CCDC171: variants seen among roughly 807,000 people sequenced by gnomAD.
CCDC171 encodes the protein coiled-coil domain containing 171, also known as coiled-coil domain-containing protein 171.
Under a neutral mutation model 168.2 loss-of-function variants are expected in CCDC171, and 177 were observed. The ratio of observed to expected loss-of-function variants is 1.05; its 90% confidence interval spans 0.93 to 1.19. The LOEUF (loss-of-function observed/expected upper bound fraction) is 1.19. CCDC171 is among the 50% of genes most tolerant of loss of function. The pLI is 0.00. For synonymous variants in CCDC171, 687 were observed against 540.8 expected, an observed-to-expected ratio of 1.27 and a Z score of -3.75; for missense variants, 1,991 against 1,539.0, an observed-to-expected ratio of 1.29 and a Z score of -4.91.
intron 6 of CCDC171, among the ~76,000 whole-genome samples, chr9:15,597,489 TG>T (rs2042463147): frequency 6.6e-6 from 1 of 152,204 alleles, no homozygotes; most frequent in Non-Finnish European, 1.5e-5. Context: ...ATTCCGGGGA[TG>T]AAGCCTACTT....
chr9:15,914,927 G>A (rs1460747254), intron 24 of CCDC171, among the ~76,000 whole-genome samples: 1 of 152,060 alleles, frequency 6.6e-6, no homozygotes, highest in Admixed American at 6.6e-5. Context: ...GTGCTTCCCG[G>A]GTGAGGTGAT....
downstream of CCDC171, among the ~76,000 whole-genome samples, chr9:15,974,273 G>A (rs1232883060): frequency 6.6e-6 from 1 of 152,074 alleles, no homozygotes; most frequent in East Asian, 1.9e-4. Flanking sequence ...CCAGCAGGAG[G>A]AGAAGATTTA....
intron 25 of CCDC171, among the ~76,000 whole-genome samples, chr9:15,958,439 G>A (rs907259673): frequency 1.3e-4 from 20 of 151,284 alleles, no homozygotes; most frequent in Non-Finnish European, 2.8e-4. Context: ...AATAGTGCAG[G>A]TCTAAGCAAA....
At chr9:15,640,368 A>G (rs2046509446) in intron 7 of CCDC171, among the ~76,000 whole-genome samples, 1 of 152,146 alleles carries the variant, frequency 6.6e-6, no homozygotes, top group Admixed American at 6.6e-5. Context: ...TGTGCTGGCC[A>G]CATGGAAAGT....
the CCDC171 span, among the ~76,000 whole-genome samples, chr9:16,100,780 C>T: frequency 6.6e-6 from 1 of 152,136 alleles, no homozygotes; most frequent in Admixed American, 6.5e-5. Flanking sequence ...TTTCTGTAGC[C>T]CAGAGAGCCT....
At chr9:16,030,733 C>G (rs139476117) in intron 6 of CCDC171, among the ~76,000 whole-genome samples, 1 of 152,148 alleles carries the variant, frequency 6.6e-6, no homozygotes, top group East Asian at 1.9e-4. Flanking sequence ...TCCCTTCCCG[C>G]GCTGTAGGGC....
intron 10 of CCDC171, among the ~76,000 whole-genome samples, chr9:15,692,820 C>T (rs2050913270): frequency 6.6e-6 from 1 of 150,956 alleles, no homozygotes; most frequent in Non-Finnish European, 1.5e-5. Flanking sequence ...AGCCACAGCT[C>T]CCGGCCATAG....
At chr9:15,735,575 G>T (rs1471234541) in intron 16 of CCDC171, among the ~76,000 whole-genome samples, 1 of 152,120 alleles carries the variant, frequency 6.6e-6, no homozygotes, top group Admixed American at 6.6e-5. Context: ...GGTTCATCAT[G>T]CTATATTGCA....
chr9:16,055,952 A>C (rs1833832304), intron 1 of CCDC171, among the ~76,000 whole-genome samples: 1 of 152,272 alleles, frequency 6.6e-6, no homozygotes, highest in Non-Finnish European at 1.5e-5. Context: ...TCTATATGCC[A>C]ACAATTGGGT....
At chr9:15,598,756 G>C (rs571131979) in intron 6 of CCDC171, among the ~76,000 whole-genome samples, 5 of 152,112 alleles carry the variant, frequency 3.3e-5, no homozygotes, top group Non-Finnish European at 5.9e-5. Flanking sequence ...GGGTGTTAAA[G>C]TCTCCCATTA....
intron 22 of CCDC171, among the ~76,000 whole-genome samples, chr9:15,847,681 A>G (rs909476865): frequency 1.3e-5 from 2 of 152,126 alleles, no homozygotes; most frequent in African/African-American, 2.4e-5. Flanking sequence ...GCAAAAATAT[A>G]CGTTAAATAT....
At chr9:15,980,369 T>G (rs189706764) in intron 3 of CCDC171, among the ~76,000 whole-genome samples, 39 of 152,252 alleles carry the variant, frequency 2.6e-4, no homozygotes, top group Non-Finnish European at 4.0e-4. Flanking sequence ...AAGTCAGATT[T>G]CTTAAGGTCC....
At chr9:15,608,537 C>T (rs2043390190) in intron 6 of CCDC171, among the ~76,000 whole-genome samples, 1 of 152,088 alleles carries the variant, frequency 6.6e-6, no homozygotes, top group South Asian at 2.1e-4. Context: ...GCTTAAATTT[C>T]CACTTCCTTG....
chr9:15,798,732 G>C (rs985859591), intron 21 of CCDC171, among the ~76,000 whole-genome samples: 1 of 152,106 alleles, frequency 6.6e-6, no homozygotes, highest in Non-Finnish European at 1.5e-5. Context: ...GTAGATTTAA[G>C]TAGTTGCAAC....
chr9:16,095,644 G>T, the CCDC171 span, among the ~76,000 whole-genome samples: 1 of 151,870 alleles, frequency 6.6e-6, no homozygotes, highest in South Asian at 2.1e-4. Context: ...CCATAGAAAT[G>T]AAAGGAAGAC....
At chr9:15,697,424 A>C (rs1277545160) in intron 11 of CCDC171, among the ~76,000 whole-genome samples, 1 of 152,116 alleles carries the variant, frequency 6.6e-6, no homozygotes, top group Non-Finnish European at 1.5e-5. Flanking sequence ...CTTGCTGATG[A>C]CCTCTTCTGA....
chr9:15,646,834 C>T (rs576000260), intron 7 of CCDC171, among the ~76,000 whole-genome samples: 3 of 152,294 alleles, frequency 2.0e-5, no homozygotes, highest in African/African-American at 7.2e-5. Context: ...CAACATTAGA[C>T]AGATCAACTG....
intron 10 of CCDC171, among the ~76,000 whole-genome samples, chr9:15,684,861 A>G (rs1294591889): frequency 6.6e-6 from 1 of 152,158 alleles, no homozygotes; most frequent in East Asian, 1.9e-4. Flanking sequence ...CTTTCTTTGA[A>G]TATTTTGATA....
At chr9:15,800,886 A>G (rs2058790289) in intron 21 of CCDC171, among the ~76,000 whole-genome samples, 1 of 151,968 alleles carries the variant, frequency 6.6e-6, no homozygotes, top group African/African-American at 2.4e-5. Context: ...TCCCAAGTTT[A>G]TGTTCTTAGC....
Sources: gnomAD v4.1 joint callset for allele counts (sites outside exome capture counted in the v4.1 genomes callset) on GRCh38, gnomAD v4.1.1 for gene constraint, MANE v1.5 for transcripts, NCBI Gene and HGNC (gene_info 2026-07-23, HGNC 2026-07-21) for gene names.